TMEM41A: variants seen among roughly 807,000 people sequenced by gnomAD.
TMEM41A encodes transmembrane protein 41A.
A neutral mutation model predicts 25.7 loss-of-function variants in TMEM41A; 20 were observed. That is an observed-to-expected ratio of 0.78 (90% CI 0.55 to 1.13). The LOEUF (loss-of-function observed/expected upper bound fraction) is 1.13, where lower values mean the gene tolerates loss of function less well. Ranked by LOEUF, TMEM41A falls within the 50% of genes most tolerant of loss-of-function variation. TMEM41A has a pLI of 0.00. For missense variants in TMEM41A, 299 were observed against 314.3 expected, an observed-to-expected ratio of 0.95 and a Z score of 0.37; for synonymous variants, 133 against 139.6, an observed-to-expected ratio of 0.95 and a Z score of 0.33.
Position 185,491,755 on chromosome 3 carries a change from A to C in TMEM41A, c.577T>G (p.Leu193Val), listed in dbSNP as rs370121448. 2 of 1,598,990 alleles carry C rather than the reference A, an allele frequency of 1.3e-6. No homozygotes were observed. The highest frequency in any genetic ancestry group is 2.7e-5 in the African/African-American group (2 of 74,228). Residue 193 changes from leucine to valine, a missense_variant and splice_region_variant, in exon 5 of 5, where the codon TTG becomes GTG. Physicochemically the swap from Leu to Val is conservative, Grantham distance 32 (BLOSUM62 1). Transcript: ENST00000421852. The part of the protein sequence containing the change: ...VQFFFSVLIG[L>V]IPYNFICVQT... ...ACACAGATGAAATTATATGGGATCA[A>C]ACCTGGAAGAAGAAAAGGACAAAGC...
In TMEM41A at chr3:185,490,269, ATAAAT is replaced by A. The variant is rs1384329349; in HGVS notation, c.*1263_*1267del. 1.3e-5 allele frequency: 2 copies of A among 151,682 alleles called. No individual in the cohort carries two copies. Among genetic ancestry groups the A allele is most frequent in the East Asian group, 1.9e-4 (1 of 5,202 alleles). 9.4% of individuals were successfully genotyped at this position (151,682 alleles called of 1,614,324 possible). On this transcript the variant is annotated 3_prime_UTR_variant, in exon 5 of 5. Transcript: ENST00000421852. ...CAAGGTTTCCTCTTTGAATTAAAAG[ATAAAT>A]TAAAAGATACAATTGTTTAGTTACT...
intron 4 of TMEM41A, among the ~76,000 whole-genome samples, chr3:185,492,096 G>C (rs1032086082): frequency 6.6e-6 from 1 of 152,170 alleles, no homozygotes; most frequent in Non-Finnish European, 1.5e-5. Flanking sequence ...GAGGTCAGGA[G>C]TTCGAGATCA....
intron 4 of TMEM41A, chr3:185,493,152 T>C (rs1379352567): frequency 6.6e-6 from 1 of 152,176 alleles, no homozygotes; most frequent in Non-Finnish European, 1.5e-5. Flanking sequence ...TCTTCCAGTA[T>C]GGAGAAAGTA....
Position 185,491,574 on chromosome 3 carries a change from C to A in TMEM41A, c.758G>T (p.Ser253Ile). 1 of 1,614,144 alleles carries A rather than the reference C, an allele frequency of 6.2e-7. No individual in the cohort carries two copies. Among genetic ancestry groups the A allele is most frequent in the African/African-American group, 1.3e-5 (1 of 75,034 alleles). The change falls in exon 5 of 5, where the codon AGT becomes ATT. Residue 253 changes from serine to isoleucine, a missense_variant. Physicochemically the swap from Ser to Ile is moderately radical, Grantham distance 142. Coordinates refer to ENST00000421852, the MANE Select transcript of TMEM41A (RefSeq NM_080652.4). ...SQKHLQLNET[S>I]TANHIHSRKD... Reference sequence around the variant, plus strand: ...TCTACTGTGTATATGATTAGCAGTACTTGTTTCATTCAATTGCAGATGTTT... The same window carrying A: ...TCTACTGTGTATATGATTAGCAGTAATTGTTTCATTCAATTGCAGATGTTT...
intron 3 of TMEM41A, 133 bp from the exon 4 acceptor site, chr3:185,494,894 A>G (rs1345036149): frequency 2.5e-6 from 3 of 1,192,914 alleles, no homozygotes; most frequent in Non-Finnish European, 2.3e-6. Flanking sequence ...CTCCAGGGAA[A>G]GACTGTTTTC....
In TMEM41A at chr3:185,496,916, C is replaced by A. The variant is rs1201024253; in HGVS notation, c.185G>T (p.Arg62Leu). 1.9e-6 allele frequency: 3 copies of A among 1,603,564 alleles called. No homozygotes were observed. The African/African-American group carries it at 4.0e-5, about 21-fold the overall frequency. ...RELSEVLREY[R>L]KEHQAYVFLL... ...GAACACGTAGGCCTGGTGCTCCTTCCGGTACTCTCGAAGGACCTCAGAGAG... is the reference window on the plus strand; with the variant it reads ...GAACACGTAGGCCTGGTGCTCCTTCAGGTACTCTCGAAGGACCTCAGAGAG... The change falls in exon 2 of 5, where the codon CGG becomes CTG. Residue 62 changes from arginine to leucine, a missense_variant. Transcript: ENST00000421852.
rs143497743 is a variant in TMEM41A, at chr3:185,490,507, G to A, written c.*1030C>T. ...CCAGAACATATCCATGACATACAGC[G>A]TTTGCTCCATTCATATTTAATAGTC... On this transcript the variant is annotated 3_prime_UTR_variant, in exon 5 of 5. Coordinates refer to ENST00000421852, the MANE Select transcript of TMEM41A (RefSeq NM_080652.4). 26 of 152,230 alleles carry A rather than the reference G, an allele frequency of 1.7e-4. No individual in the cohort carries two copies. The highest frequency in any genetic ancestry group is 4.8e-4 in the African/African-American group (20 of 41,552). The allele number at this position is 152,230 out of a possible 1,614,324, so 9.4% of individuals were successfully genotyped here. A position where few individuals can be genotyped will look rare whatever the true frequency, so the allele number is the denominator to read the frequency against.
intron 1 of TMEM41A, 68 bp downstream of exon 1, chr3:185,498,775 G>A (rs188105150): frequency 7.5e-6 from 9 of 1,196,406 alleles, no homozygotes; most frequent in African/African-American, 3.2e-5. Context: ...CCGAATCTCC[G>A]ATTCCCAGCC....
intron 2 of TMEM41A, chr3:185,495,573 TA>T: frequency 2.0e-6 from 1 of 504,422 alleles, no homozygotes; most frequent in East Asian, 3.3e-5. Context: ...CCCAAGCAGC[TA>T]GGACTGTAGG....
At chr3:185,498,726 C>T in intron 1 of TMEM41A, 117 bp downstream of exon 1, 1 of 766,140 alleles carries the variant, frequency 1.3e-6, no homozygotes, top group Non-Finnish European at 2.1e-6. Flanking sequence ...GATAAGTGAA[C>T]CTCAATTCCC....
intron 4 of TMEM41A, chr3:185,493,602 C>T (rs1340580355): frequency 2.0e-5 from 3 of 152,126 alleles, no homozygotes; most frequent in African/African-American, 7.2e-5. Flanking sequence ...AGTGAAGTGT[C>T]ATCCTCTCAG....
At position 185,496,951 on chromosome 3, in the gene TMEM41A, C is replaced by T; in HGVS notation, c.150G>A (p.Glu50=). 6.3e-7 allele frequency: 1 copy of T among 1,599,886 alleles called. No homozygotes were observed. The highest frequency in any genetic ancestry group is 1.7e-5 in the Admixed American group (1 of 57,144). The stretch of plus-strand genomic sequence containing the variant: ...GAAGGACCTCAGAGAGCTCCCGCAG[C>T]TCTGCCAGGTCGGAGGGGAACCACA... ...RSLWFPSDLA[E]LRELSEVLRE... is the part of the protein sequence containing the mutation. Residue 50 remains glutamate (E), a synonymous_variant, in exon 2 of 5, where the codon GAG becomes GAA. Transcript: ENST00000421852.
In TMEM41A at chr3:185,489,601, G is replaced by C. The variant is rs1718882392; in HGVS notation, c.*1936C>G. 2 of 152,154 alleles carry C rather than the reference G, an allele frequency of 1.3e-5. No individual in the cohort carries two copies. The highest frequency in any genetic ancestry group is 2.9e-5 in the Non-Finnish European group (2 of 68,052). 9.4% of individuals were successfully genotyped at this position (152,154 alleles called of 1,614,324 possible). A position where few individuals can be genotyped will look rare whatever the true frequency, so the allele number is the denominator to read the frequency against. On this transcript the variant is annotated 3_prime_UTR_variant, in exon 5 of 5. Coordinates refer to ENST00000421852, the MANE Select transcript of TMEM41A (RefSeq NM_080652.4). ...AACATGTTCAAACAAGCACCACACA[G>C]AACACTTACATCCATTTATTTGGGA... is the stretch of plus-strand genomic sequence containing the variant.
At chr3:185,495,016 A>T in intron 3 of TMEM41A, 138 bp downstream of exon 3, 1 of 1,097,126 alleles carries the variant, frequency 9.1e-7, no homozygotes, top group Non-Finnish European at 1.3e-6. Context: ...TCTCCTGAAG[A>T]CATCAAAAGA....
In TMEM41A at chr3:185,496,870, G is replaced by C; in HGVS notation, c.231C>G (p.Tyr77Ter). ...GGATGGCAAAGCCCTGTTTGTAGAG[G>C]TAGGCGCCGCAGAAGAGCAGGAACA... Reference protein sequence around the residue: ...AYVFLLFCGAYLYKQGFAIPG... With the variant: ...AYVFLLFCGA The change falls in exon 2 of 5, where the codon TAC becomes TAG. Residue 77 changes from tyrosine (Y) to a stop codon, truncating the protein, a stop_gained. Transcript: ENST00000421852. LOFTEE classifies it high-confidence loss of function. The C allele has an allele frequency of 1.9e-6, 3 of 1,607,940 alleles. No individual in the cohort carries two copies. Among genetic ancestry groups the C allele is most frequent in the Non-Finnish European group, 2.5e-6 (3 of 1,178,184 alleles).
chr3:185,496,870 G>A lies in TMEM41A; in HGVS notation c.231C>T (p.Tyr77=), dbSNP rs1027185166. The A allele has an allele frequency of 5.6e-6, 9 of 1,607,822 alleles. No homozygotes were observed. Among genetic ancestry groups the A allele is most frequent in the Admixed American group, 1.7e-5 (1 of 58,914 alleles). ...AYVFLLFCGA[Y]LYKQGFAIPG... is the part of the protein sequence containing the mutation. Reference sequence around the variant, plus strand: ...GGATGGCAAAGCCCTGTTTGTAGAGGTAGGCGCCGCAGAAGAGCAGGAACA... The same window carrying A: ...GGATGGCAAAGCCCTGTTTGTAGAGATAGGCGCCGCAGAAGAGCAGGAACA... The change falls in exon 2 of 5, where the codon TAC becomes TAT. Residue 77 remains tyrosine (Y), a synonymous_variant. Coordinates refer to ENST00000421852, the MANE Select transcript of TMEM41A (RefSeq NM_080652.4).
intron 1 of TMEM41A, 117 bp downstream of exon 1, chr3:185,498,726 C>A: frequency 1.3e-6 from 1 of 766,140 alleles, no homozygotes; most frequent in South Asian, 1.9e-5. Context: ...GATAAGTGAA[C>A]CTCAATTCCC....
chr3:185,498,539 A>T, intron 1 of TMEM41A: 1 of 287,072 alleles, frequency 3.5e-6, no homozygotes. Context: ...GGGCAGGCTC[A>T]GCGCCGCGTC....
chr3:185,496,562 A>T (rs1719106221), intron 2 of TMEM41A: 1 of 510,948 alleles, frequency 2.0e-6, no homozygotes, highest in African/African-American at 1.9e-5. Context: ...GTTTCCGACA[A>T]GGAAACTGTT....
Sources: gnomAD v4.1 joint callset for allele counts (sites outside exome capture counted in the v4.1 genomes callset) on GRCh38, gnomAD v4.1.1 for gene constraint, MANE v1.5 for transcripts, NCBI Gene and HGNC (gene_info 2026-07-23, HGNC 2026-07-21) for gene names.